The following CCDC50 variants were observed in gnomAD, a reference collection of about 807,000 sequenced individuals.
The protein encoded by CCDC50 is coiled-coil domain containing 50.
Under a neutral mutation model 70.2 loss-of-function variants are expected in CCDC50, and 54 were observed. That is an observed-to-expected ratio of 0.77 (90% CI 0.62 to 0.96). The LOEUF is 0.96. Among genes scored for constraint, CCDC50 ranks in the 50% least tolerant of loss-of-function variants. CCDC50 has a pLI of 0.00. For missense variants in CCDC50, 558 were observed against 578.7 expected (o/e 0.96, Z 0.37); for synonymous variants, 216 against 198.8 (o/e 1.09, Z -0.73).
intron 10 of CCDC50, among the ~76,000 whole-genome samples, chr3:191,389,172 A>T (rs1467296721): frequency 6.6e-6 from 1 of 151,800 alleles, no homozygotes; most frequent in Admixed American, 6.6e-5. Context: ...TTGACTTGGT[A>T]AGACCTACCA....
Position 191,369,755 on chromosome 3 carries a change from T to A in CCDC50, c.331-164T>A, listed in dbSNP as rs541731855. ...TTATCTAGATCATGTGCTACTCCTG[T>A]TAAGCAGTCATCTGGCATTTGAAGA... On this transcript the variant is annotated intron_variant, in intron 4 of 11. Transcript: ENST00000392455. 3.0e-4 allele frequency among the ~76,000 whole-genome samples: 45 copies of A among 152,346 alleles called. No individual in the cohort carries two copies. In the South Asian group the frequency reaches 9.1e-3, roughly 31 times the overall value.
Position 191,340,160 on chromosome 3 carries a change from C to A in CCDC50, c.49+10437C>A, listed in dbSNP as rs1418816462. On this transcript the variant is annotated intron_variant, in intron 1 of 11. Transcript: ENST00000392455. ...AGAGGTAATTTAATCTGTCTCCTCA[C>A]AGGTCAGGACATGAGGCTCTGATTT... is the stretch of plus-strand genomic sequence containing the variant. Among the ~76,000 whole-genome samples, 4 of 152,310 alleles carry A rather than the reference C, an allele frequency of 2.6e-5. No homozygotes were observed. In the East Asian group the frequency reaches 7.7e-4, roughly 29 times the overall value.
At position 191,380,945 on chromosome 3, in the gene CCDC50, T is replaced by C; in HGVS notation, c.1242+13T>C. The C allele has an allele frequency of 6.3e-7, 1 of 1,599,072 alleles. No homozygotes were observed. The highest frequency in any genetic ancestry group is 1.1e-5 in the South Asian group (1 of 89,616). ...CCCCGAGTGGAAGGTAGAGTGTGTT[T>C]TGTTTGTTTTCTAATTAGAAATAAA... On this transcript the variant is annotated intron_variant, in intron 9 of 11. Transcript: ENST00000392455.
intron 2 of CCDC50, 23 bp downstream of exon 2, chr3:191,357,173 G>C (rs1576958057): frequency 6.2e-7 from 1 of 1,603,964 alleles, no homozygotes; most frequent in East Asian, 2.2e-5. Flanking sequence ...TCTCATTTAT[G>C]CTCCTTCAGT....
intron 9 of CCDC50, 139 bp downstream of exon 9, chr3:191,381,071 T>C (rs992721318): frequency 9.8e-6 from 7 of 716,330 alleles, no homozygotes; most frequent in African/African-American, 1.8e-5. Flanking sequence ...GTGAATCTGA[T>C]CTGTGAAGAT....
In CCDC50 at chr3:191,344,798, C is replaced by T. The variant is rs992227855; in HGVS notation, c.50-12290C>T. 3.3e-5 allele frequency among the ~76,000 whole-genome samples: 5 copies of T among 152,270 alleles called. 1 individual carries two copies. The highest frequency in any genetic ancestry group is 1.5e-5 in the Non-Finnish European group (1 of 68,014). ...TTCACTCTGTTGCCCAGGCTGGTCTCGAACTCGGGAGCTCAGGCATTCTGC... is the reference window on the plus strand; with the variant it reads ...TTCACTCTGTTGCCCAGGCTGGTCTTGAACTCGGGAGCTCAGGCATTCTGC... On this transcript the variant is annotated intron_variant, in intron 1 of 11. Transcript: ENST00000392455.
intron 1 of CCDC50, among the ~76,000 whole-genome samples, chr3:191,329,956 G>A: frequency 7.8e-6 from 1 of 127,732 alleles, no homozygotes; most frequent in Non-Finnish European, 1.7e-5. Flanking sequence ...GGGGGGGGGG[G>A]CTAGCAGCAG....
intron 4 of CCDC50, 110 bp from the exon 5 acceptor site, chr3:191,369,809 A>G: frequency 1.3e-6 from 1 of 773,786 alleles, no homozygotes. Context: ...AAGTCTAGAG[A>G]GCCATGGACA....
intron 4 of CCDC50, among the ~76,000 whole-genome samples, chr3:191,363,433 G>A (rs57211729): frequency 0.086 from 13,022 of 152,204 alleles, 604 homozygotes; most frequent in East Asian, 0.24. Flanking sequence ...TTTCAGCACC[G>A]CCCTTAACCA....
Position 191,370,037 on chromosome 3 carries a change from G to C in CCDC50, c.448+1G>C. ...GATAGTTACTATTATGAAGATGGAG[G>C]TAACAATTCCTGCATCATGATCTAT... On this transcript the variant is annotated splice_donor_variant, in intron 5 of 11. Transcript: ENST00000392455. LOFTEE classifies it high-confidence loss of function. 3.2e-6 allele frequency: 5 copies of C among 1,556,702 alleles called. No homozygotes were observed. Among genetic ancestry groups the C allele is most frequent in the Non-Finnish European group, 4.4e-6 (5 of 1,128,514 alleles).
intron 10 of CCDC50, among the ~76,000 whole-genome samples, chr3:191,384,291 G>C (rs771843368): frequency 3.9e-5 from 6 of 151,924 alleles, no homozygotes; most frequent in Non-Finnish European, 7.4e-5. Flanking sequence ...TTGTATATAT[G>C]ACCAAAAAAA....
At chr3:191,361,742 C>T (rs761543164) in intron 4 of CCDC50, among the ~76,000 whole-genome samples, 10 of 152,124 alleles carry the variant, frequency 6.6e-5, no homozygotes, top group Non-Finnish European at 1.2e-4. Context: ...AGACTGTTTC[C>T]AAATAAGGTC....
intron 5 of CCDC50, among the ~76,000 whole-genome samples, chr3:191,372,478 CCTT>C (rs1192161223): frequency 6.6e-6 from 1 of 152,136 alleles, no homozygotes. Context: ...ACAAAATAAT[CCTT>C]CTGGTCTTTG....
At chr3:191,349,530 T>A (rs770571135) in intron 1 of CCDC50, among the ~76,000 whole-genome samples, 2 of 138,622 alleles carry the variant, frequency 1.4e-5, no homozygotes, top group Non-Finnish European at 1.6e-5. Context: ...CTACCTAGGG[T>A]TTCCTGTAGG....
chr3:191,370,370 C>T, intron 5 of CCDC50: 1 of 296,866 alleles, frequency 3.4e-6, no homozygotes, highest in Non-Finnish European at 6.4e-6. Flanking sequence ...CCCCCTCCCC[C>T]CACCCCACAA....
chr3:191,370,166 A>G (rs1712850933), intron 5 of CCDC50, 130 bp downstream of exon 5: 1 of 721,534 alleles, frequency 1.4e-6, no homozygotes, highest in African/African-American at 1.7e-5. Context: ...GGGTACATTT[A>G]GATGTGTGGC....
intron 4 of CCDC50, among the ~76,000 whole-genome samples, chr3:191,364,080 T>TG (rs1456181811): frequency 6.6e-6 from 1 of 151,994 alleles, no homozygotes; most frequent in Non-Finnish European, 1.5e-5. Flanking sequence ...TCTTATTTTT[T>TG]TTTTTTTTAG....
intron 6 of CCDC50, 142 bp from the exon 7 acceptor site, chr3:191,380,017 C>T (rs1713254959): frequency 6.4e-6 from 4 of 624,390 alleles, no homozygotes; most frequent in Admixed American, 2.9e-5. Flanking sequence ...ATTTTTAATG[C>T]ACCCCACACT....
In CCDC50 at chr3:191,358,053, C is replaced by T. The variant is rs1315088319; in HGVS notation, c.168C>T (p.Leu56=). ...VQRNRLVQHD[L]QVAKQLQEED... is the part of the protein sequence containing the mutation. The stretch of plus-strand genomic sequence containing the variant: ...GGAACCGTTTGGTCCAGCATGATCT[C>T]CAGGTGGCTAAGCAGCTCCAAGAGG... Residue 56 remains leucine (L), a synonymous_variant, in exon 3 of 12, where the codon CTC becomes CTT. Transcript: ENST00000392455. 6.2e-7 allele frequency: 1 copy of T among 1,614,000 alleles called. No homozygotes were observed. Among genetic ancestry groups the T allele is most frequent in the Middle Eastern group, 1.7e-4 (1 of 6,060 alleles).
Sources: allele counts gnomAD v4.1 joint callset (sites outside exome capture counted in the v4.1 genomes callset), GRCh38; gene constraint gnomAD v4.1.1; transcripts MANE v1.5; gene names NCBI Gene and HGNC (gene_info 2026-07-23, HGNC 2026-07-21).